SLC35F4: variants seen among roughly 807,000 people sequenced by gnomAD.
The protein encoded by SLC35F4 is chromosome 14 open reading frame 36.
SLC35F4 carries 24 observed loss-of-function variants against 44.2 expected under a neutral mutation model. The ratio of observed to expected loss-of-function variants is 0.54; its 90% CI spans 0.39 to 0.76. SLC35F4 has a LOEUF of 0.76. Among genes scored for constraint, SLC35F4 ranks in the 30% least tolerant of loss-of-function variants. The pLI, the probability that SLC35F4 is intolerant of heterozygous loss-of-function variation, is 0.00. For synonymous variants in SLC35F4, 238 were observed against 223.6 expected, an observed-to-expected ratio of 1.06 and a Z score of -0.57; for missense variants, 562 against 586.1, an observed-to-expected ratio of 0.96 and a Z score of 0.42.
intron 1 of SLC35F4, among the ~76,000 whole-genome samples, chr14:57,891,947 T>C (rs1341810961): frequency 6.6e-6 from 1 of 152,194 alleles, no homozygotes; most frequent in Non-Finnish European, 1.5e-5. Context: ...CTCAGACTAT[T>C]ATAGAAAAGT....
intron 1 of SLC35F4, among the ~76,000 whole-genome samples, chr14:57,898,576 T>G (rs1888933793): frequency 6.6e-6 from 1 of 152,210 alleles, no homozygotes; most frequent in African/African-American, 2.4e-5. Context: ...TATAGGCATA[T>G]GATGCAACTA....
chr14:57,670,445 T>G (rs1010777044), intron 1 of SLC35F4, among the ~76,000 whole-genome samples: 1 of 152,132 alleles, frequency 6.6e-6, no homozygotes, highest in East Asian at 1.9e-4. Context: ...TTTAGATCTT[T>G]CCTGCTTTCT....
At chr14:57,873,553 TG>T (rs1220306777) in intron 1 of SLC35F4, among the ~76,000 whole-genome samples, 2 of 152,180 alleles carry the variant, frequency 1.3e-5, no homozygotes, top group African/African-American at 4.8e-5. Context: ...TATTAAGTGG[TG>T]AAAAAAATCA....
At chr14:57,902,336 AG>A (rs1889018986) in intron 1 of SLC35F4, among the ~76,000 whole-genome samples, 1 of 151,994 alleles carries the variant, frequency 6.6e-6, no homozygotes, top group Non-Finnish European at 1.5e-5. Flanking sequence ...GGCCGAGGTG[AG>A]CAGATCACCT....
At chr14:57,630,503 C>T in intron 1 of SLC35F4, 1 of 1,074,094 alleles carries the variant, frequency 9.3e-7, no homozygotes. Flanking sequence ...GTCTGCATCT[C>T]ACACCAAAAC....
intron 1 of SLC35F4, among the ~76,000 whole-genome samples, chr14:57,898,180 C>G (rs945316583): frequency 6.6e-6 from 1 of 152,096 alleles, no homozygotes; most frequent in Admixed American, 6.6e-5. Context: ...ACTAGCAAAA[C>G]AAGATTAGTT....
In SLC35F4 at chr14:57,569,854, C is replaced by G. The variant is rs1158085413; in HGVS notation, c.1060G>C (p.Glu354Gln). 1.2e-6 allele frequency: 2 copies of G among 1,611,454 alleles called. No individual in the cohort carries two copies. The highest frequency in any genetic ancestry group is 8.5e-7 in the Non-Finnish European group (1 of 1,178,960). Residue 354 changes from glutamate to glutamine, a missense_variant, in exon 6 of 8, where the codon GAG (glutamate) becomes CAG (glutamine). Physicochemically the swap from Glu to Gln is conservative, Grantham distance 29. Transcript: ENST00000556826. ...TPVILYFTKV[E>Q]HWSSFAALPW... ...AGAGCAGCAAAAGAGGACCAGTGCT[C>G]CACCTTGGTGAAATACAAGATGACT...
Position 57,571,992 on chromosome 14 carries a change from C to T in SLC35F4, c.835G>A (p.Gly279Ser), listed in dbSNP as rs751022298. The change falls in exon 5 of 8, where the codon GGC (glycine) becomes AGC (serine). Residue 279 changes from glycine to serine, a missense_variant. By Grantham distance (56) the Gly-to-Ser change is moderately conservative (BLOSUM62 0). Coordinates refer to ENST00000556826, the MANE Select transcript of SLC35F4 (RefSeq NM_001306087.2). ...RIVAAIMAIT[G>S]IVMMAYADNF... is the part of the protein sequence containing the mutation. The stretch of plus-strand genomic sequence containing the variant: ...TCTGCATATGCCATCATGACAATGC[C>T]GGTAATTGCCATTATTGCAGCAACT... 27 of 1,610,874 alleles carry T rather than the reference C, an allele frequency of 1.7e-5. 1 individual carries two copies. Among genetic ancestry groups the T allele is most frequent in the East Asian group, 2.2e-5 (1 of 44,782 alleles).
chr14:57,954,948 T>TAA (rs35919238), intron 1 of SLC35F4, among the ~76,000 whole-genome samples: 101 of 107,068 alleles, frequency 9.4e-4, no homozygotes, highest in South Asian at 1.8e-3. Flanking sequence ...TCATCCTGAT[T>TAA]AAAAAAAAAA....
chr14:57,589,837 A>G (rs1381956259), intron 2 of SLC35F4, among the ~76,000 whole-genome samples: 3 of 152,182 alleles, frequency 2.0e-5, no homozygotes, highest in Non-Finnish European at 4.4e-5. Context: ...TCTTGGCCAC[A>G]TGCCCTGCGC....
intron 1 of SLC35F4, among the ~76,000 whole-genome samples, chr14:57,963,211 C>T (rs1020556449): frequency 1.3e-5 from 2 of 152,310 alleles, no homozygotes; most frequent in East Asian, 3.9e-4. Flanking sequence ...TTTTCCAACC[C>T]TTCTATGGGA....
At chr14:57,619,406 G>A (rs527408721) in intron 1 of SLC35F4, among the ~76,000 whole-genome samples, 2 of 152,312 alleles carry the variant, frequency 1.3e-5, no homozygotes, top group African/African-American at 4.8e-5. Context: ...AAAAAGGTCT[G>A]GAGTGGACCT....
intron 1 of SLC35F4, among the ~76,000 whole-genome samples, chr14:57,816,047 C>A (rs553169209): frequency 3.9e-5 from 6 of 152,112 alleles, no homozygotes; most frequent in Non-Finnish European, 8.8e-5. Context: ...TAAAGCAGGG[C>A]ATTTTCATTT....
At chr14:57,754,704 T>C (rs924434669) in intron 1 of SLC35F4, among the ~76,000 whole-genome samples, 2 of 152,224 alleles carry the variant, frequency 1.3e-5, no homozygotes, top group Non-Finnish European at 2.9e-5. Flanking sequence ...CTCCTGTTAG[T>C]GTATTCCACC....
intron 1 of SLC35F4, among the ~76,000 whole-genome samples, chr14:57,640,546 T>C (rs1412820228): frequency 1.3e-5 from 2 of 152,022 alleles, no homozygotes; most frequent in Non-Finnish European, 2.9e-5. Flanking sequence ...TTTTTACATG[T>C]GCCAAATAGT....
At chr14:57,683,488 G>A (rs1209237418) in intron 1 of SLC35F4, among the ~76,000 whole-genome samples, 6 of 152,068 alleles carry the variant, frequency 3.9e-5, no homozygotes, top group Non-Finnish European at 8.8e-5. Flanking sequence ...CTCTGGAATC[G>A]TCATTGCCTG....
chr14:57,669,007 G>A (rs1214288507), intron 1 of SLC35F4, among the ~76,000 whole-genome samples: 1 of 151,932 alleles, frequency 6.6e-6, no homozygotes, highest in Non-Finnish European at 1.5e-5. Context: ...TTATTTCATT[G>A]AGCAGTGGTT....
In SLC35F4 at chr14:57,746,439, A is replaced by C. The variant is rs142662603; in HGVS notation, c.103+119284T>G. 7.2e-5 allele frequency among the ~76,000 whole-genome samples: 11 copies of C among 152,238 alleles called. 1 individual carries two copies. In the South Asian group the frequency reaches 2.3e-3, roughly 32 times the overall value. On this transcript the variant is annotated intron_variant, in intron 1 of 7. Coordinates refer to ENST00000556826, the MANE Select transcript of SLC35F4 (RefSeq NM_001306087.2). ...CATATTATTTTTCTCTTTGCTAACA[A>C]TGTGGGTAACATTGAATTGACTTTC...
intron 1 of SLC35F4, among the ~76,000 whole-genome samples, chr14:57,965,380 T>C (rs1433502440): frequency 1.3e-5 from 2 of 152,140 alleles, no homozygotes; most frequent in Non-Finnish European, 2.9e-5. Context: ...GTGATTAAAT[T>C]GGGCCCACCC....
Sources: allele counts gnomAD v4.1 joint callset (sites outside exome capture counted in the v4.1 genomes callset), GRCh38; gene constraint gnomAD v4.1.1; transcripts MANE v1.5; gene names NCBI Gene and HGNC (gene_info 2026-07-23, HGNC 2026-07-21).